The following AFF3 variants were observed in gnomAD, a reference collection of about 807,000 sequenced individuals.
AFF3 encodes the protein AF4/FMR2 family member 3.
Under a neutral mutation model 129.7 loss-of-function variants are expected in AFF3, and 32 were observed. The ratio of observed to expected loss-of-function variants is 0.25; its 90% confidence interval spans 0.19 to 0.33. AFF3 has a LOEUF of 0.33. Among genes scored for constraint, AFF3 ranks in the 10% least tolerant of loss-of-function variants. The probability of loss-of-function intolerance (pLI) is 1.00; values close to 1 mark genes in which losing one functional copy is unlikely to be tolerated. For synonymous variants in AFF3, 644 were observed against 635.4 expected (o/e 1.01, Z -0.20); for missense variants, 1,373 against 1,592.0 (o/e 0.86, Z 2.34).
intron 8 of AFF3, among the ~76,000 whole-genome samples, chr2:99,754,273 T>C (rs542345112): frequency 5.3e-5 from 8 of 152,376 alleles, no homozygotes; most frequent in Middle Eastern, 3.4e-3. Flanking sequence ...CCTCTTTTGT[T>C]GACTGTCTGA....
chr2:99,814,710 A>G (rs748604980), intron 8 of AFF3, among the ~76,000 whole-genome samples: 1 of 152,192 alleles, frequency 6.6e-6, no homozygotes, highest in Admixed American at 6.5e-5. Flanking sequence ...AAGGAGAAAT[A>G]CAAGGCAGTG....
At chr2:99,598,009 T>A (rs1247745552) in intron 14 of AFF3, among the ~76,000 whole-genome samples, 4 of 152,190 alleles carry the variant, frequency 2.6e-5, no homozygotes, top group Non-Finnish European at 4.4e-5. Context: ...ACATTTCTGT[T>A]GATTTTTAAG....
chr2:99,744,021 G>A, intron 10 of AFF3, 83 bp downstream of exon 10: 1 of 1,248,294 alleles, frequency 8.0e-7, no homozygotes, highest in Non-Finnish European at 1.1e-6. Context: ...ACTGTCCAAT[G>A]TGTGCTCATC....
chr2:99,958,485 G>GAAA (rs551725293), intron 7 of AFF3, among the ~76,000 whole-genome samples: 1 of 102,534 alleles, frequency 9.8e-6, no homozygotes, highest in Non-Finnish European at 2.0e-5. Context: ...ACTCTGTCTC[G>GAAA]AAAAAAAAAA....
At chr2:99,607,628 C>T (rs975412042) in intron 13 of AFF3, among the ~76,000 whole-genome samples, 2 of 152,098 alleles carry the variant, frequency 1.3e-5, no homozygotes, top group Admixed American at 1.3e-4. Context: ...GGCCTGAATA[C>T]ATATCCAAAA....
intron 7 of AFF3, among the ~76,000 whole-genome samples, chr2:99,931,910 A>G (rs1273769625): frequency 1.3e-5 from 2 of 152,236 alleles, no homozygotes; most frequent in Non-Finnish European, 2.9e-5. Flanking sequence ...CTCTGTCTCA[A>G]CAAAACCCCA....
chr2:99,681,999 G>A (rs532955334), intron 11 of AFF3, among the ~76,000 whole-genome samples: 26 of 149,436 alleles, frequency 1.7e-4, no homozygotes, highest in East Asian at 8.0e-4. Flanking sequence ...TCTGCCTCCC[G>A]GGTTCAAGCA....
intron 15 of AFF3, among the ~76,000 whole-genome samples, chr2:99,591,352 A>T (rs758307449): frequency 6.6e-5 from 10 of 151,866 alleles, no homozygotes; most frequent in Non-Finnish European, 1.5e-4. Context: ...ATGTCTGGCT[A>T]ATTTTTTGTA....
intron 7 of AFF3, among the ~76,000 whole-genome samples, chr2:99,950,075 A>G (rs1046270575): frequency 2.0e-5 from 3 of 152,198 alleles, no homozygotes; most frequent in African/African-American, 7.2e-5. Context: ...AAAACATCCA[A>G]TCTCTGACAC....
chr2:99,701,243 G>A (rs974321896), intron 11 of AFF3, among the ~76,000 whole-genome samples: 4 of 152,096 alleles, frequency 2.6e-5, no homozygotes, highest in African/African-American at 9.7e-5. Context: ...ATGACAAATG[G>A]CACACCAAAG....
intron 17 of AFF3, among the ~76,000 whole-genome samples, chr2:99,580,185 G>A (rs114545126): frequency 6.6e-6 from 1 of 152,102 alleles, no homozygotes; most frequent in African/African-American, 2.4e-5. Flanking sequence ...TCCTCTGCCT[G>A]TAATGCTCTT....
chr2:99,669,106 G>C (rs971279925), intron 12 of AFF3, among the ~76,000 whole-genome samples: 1 of 152,114 alleles, frequency 6.6e-6, no homozygotes, highest in Non-Finnish European at 1.5e-5. Flanking sequence ...TTGGAAAATG[G>C]TTTGAGATAA....
intron 7 of AFF3, among the ~76,000 whole-genome samples, chr2:99,867,002 A>AT (rs767813598): frequency 0.32 from 30,400 of 95,020 alleles, 3,774 homozygotes; most frequent in African/African-American, 0.42. Context: ...AATAATAATA[A>AT]AAAATAAATA....
chr2:99,649,529 T>C (rs1419298809), intron 13 of AFF3, 97 bp downstream of exon 13: 1 of 1,360,634 alleles, frequency 7.3e-7, no homozygotes, highest in African/African-American at 1.4e-5. Flanking sequence ...TCAGAGATAC[T>C]TTAGGGACAA....
intron 7 of AFF3, among the ~76,000 whole-genome samples, chr2:99,971,782 T>A (rs1233992839): frequency 6.6e-6 from 1 of 152,058 alleles, no homozygotes; most frequent in Non-Finnish European, 1.5e-5. Flanking sequence ...CCAAAAAAAA[T>A]GAGCGACAAG....
intron 16 of AFF3, among the ~76,000 whole-genome samples, chr2:99,583,585 T>C (rs963394502): frequency 2.6e-5 from 4 of 152,220 alleles, no homozygotes; most frequent in African/African-American, 9.6e-5. Context: ...GGTTTCACCA[T>C]GTTGCCCAAG....
At chr2:99,581,510 C>A (rs368973458) in intron 17 of AFF3, among the ~76,000 whole-genome samples, 1 of 150,404 alleles carries the variant, frequency 6.6e-6, no homozygotes, top group Non-Finnish European at 1.5e-5. Context: ...TCTTTCTTTG[C>A]AGAATCCTGT....
intron 4 of AFF3, among the ~76,000 whole-genome samples, chr2:100,084,382 A>T (rs1689264360): frequency 6.6e-6 from 1 of 152,218 alleles, no homozygotes; most frequent in Admixed American, 6.5e-5. Flanking sequence ...CACTATTCAC[A>T]ATAGACAAAA....
At chr2:99,641,506 C>A (rs540417394) in intron 13 of AFF3, among the ~76,000 whole-genome samples, 29 of 152,158 alleles carry the variant, frequency 1.9e-4, no homozygotes, top group Admixed American at 9.2e-4. Flanking sequence ...GGTGAAACCC[C>A]ATCTCTACTA....
Sources: allele counts gnomAD v4.1 joint callset (sites outside exome capture counted in the v4.1 genomes callset), GRCh38; gene constraint gnomAD v4.1.1; transcripts MANE v1.5; gene names NCBI Gene and HGNC (gene_info 2026-07-23, HGNC 2026-07-21).